The following SAMD12 variants were observed in gnomAD, a reference collection of about 807,000 sequenced individuals.
The protein encoded by SAMD12 is sterile alpha motif domain-containing protein 12.
A neutral mutation model predicts 15.0 loss-of-function variants in SAMD12; 9 were observed. That is an observed-to-expected ratio of 0.60 (90% CI 0.36 to 1.05). The LOEUF (loss-of-function observed/expected upper bound fraction) is 1.05, where lower values mean the gene tolerates loss of function less well. SAMD12 is among the 50% of genes least tolerant of loss of function. The probability of loss-of-function intolerance (pLI) is 0.01; values close to 1 mark genes in which losing one functional copy is unlikely to be tolerated. For missense variants in SAMD12, 230 were observed against 234.2 expected, an observed-to-expected ratio of 0.98 and a Z score of 0.12; for synonymous variants, 86 against 90.1, an observed-to-expected ratio of 0.96 and a Z score of 0.25.
chr8:118,445,089 T>C (rs189256216), intron 2 of SAMD12, among the ~76,000 whole-genome samples: 66 of 152,312 alleles, frequency 4.3e-4, no homozygotes, highest in Non-Finnish European at 2.2e-4. Context: ...CTTTCTTTAG[T>C]TCCCAGTCCT....
chr8:118,416,202 T>C (rs1245235834), intron 3 of SAMD12, among the ~76,000 whole-genome samples: 2 of 152,184 alleles, frequency 1.3e-5, no homozygotes, highest in Non-Finnish European at 2.9e-5. Flanking sequence ...ATAACATAAA[T>C]GCTGGATGTA....
At chr8:118,600,360 G>A (rs2131297442) in intron 1 of SAMD12, among the ~76,000 whole-genome samples, 1 of 152,224 alleles carries the variant, frequency 6.6e-6, no homozygotes, top group East Asian at 1.9e-4. Context: ...TAGGACAAAG[G>A]TAATGAGGAT....
chr8:118,179,411 T>C, the SAMD12 span, among the ~76,000 whole-genome samples: 1 of 138,580 alleles, frequency 7.2e-6, no homozygotes, highest in Non-Finnish European at 1.5e-5. Flanking sequence ...CACTCCAGCC[T>C]GGGCAACAAG....
intron 1 of SAMD12, among the ~76,000 whole-genome samples, chr8:118,620,425 A>G (rs1167681634): frequency 8.7e-6 from 1 of 114,632 alleles, no homozygotes; most frequent in Non-Finnish European, 1.9e-5. Context: ...AAAAAAAAAA[A>G]GATTCTCACC....
chr8:118,366,861 TAAAATAAAATAAAATAAAATAATAA>T (rs1818811294), intron 4 of SAMD12, among the ~76,000 whole-genome samples: 4 of 111,864 alleles, frequency 3.6e-5, no homozygotes, highest in African/African-American at 1.1e-4. Flanking sequence ...TAAAATAAAA[TAAAATAAAATAAAATAAAATAATAA>T]AATAAAATAA....
At chr8:118,530,977 G>T (rs572857292) in intron 2 of SAMD12, among the ~76,000 whole-genome samples, 2 of 152,200 alleles carry the variant, frequency 1.3e-5, no homozygotes, top group African/African-American at 4.8e-5. Context: ...AGTAGCTAGG[G>T]CTACAGGCAC....
At chr8:118,387,509 C>T (rs566396604) in intron 3 of SAMD12, among the ~76,000 whole-genome samples, 221 of 152,150 alleles carry the variant, frequency 1.5e-3, no homozygotes, top group African/African-American at 4.9e-3. Flanking sequence ...GTCTATGGTG[C>T]AGTTACTCTG....
At chr8:118,564,326 T>C (rs968395257) in intron 2 of SAMD12, among the ~76,000 whole-genome samples, 10 of 151,950 alleles carry the variant, frequency 6.6e-5, no homozygotes, top group African/African-American at 2.4e-4. Flanking sequence ...CAGCAATACA[T>C]GGTAGAGGAA....
exon 5 of SAMD12, chr8:118,193,735 C>T (rs1230569305): frequency 1.3e-5 from 2 of 151,956 alleles, no homozygotes; most frequent in Admixed American, 1.3e-4. Context: ...GAAAACTACC[C>T]ACAGCATCAT....
chr8:118,451,018 T>C (rs918482196), intron 2 of SAMD12, among the ~76,000 whole-genome samples: 1 of 151,846 alleles, frequency 6.6e-6, no homozygotes, highest in African/African-American at 2.4e-5. Context: ...ATGGGAAGAG[T>C]TGTCTTAAAA....
At chr8:118,145,420 T>G in the SAMD12 span, among the ~76,000 whole-genome samples, 1 of 152,258 alleles carries the variant, frequency 6.6e-6, no homozygotes, top group Non-Finnish European at 1.5e-5. Context: ...CATTCAATGT[T>G]GAACACTATC....
chr8:118,141,004 C>T, the SAMD12 span, among the ~76,000 whole-genome samples: 89 of 152,332 alleles, frequency 5.8e-4, no homozygotes, highest in Admixed American at 2.0e-4. Flanking sequence ...TCTGTCATTG[C>T]AGCATAGCTT....
chr8:118,551,560 A>C (rs200869790), intron 2 of SAMD12, among the ~76,000 whole-genome samples: 35 of 152,276 alleles, frequency 2.3e-4, no homozygotes, highest in East Asian at 3.9e-4. Context: ...AGTAAATGCC[A>C]ACAAGAGAAA....
rs914152409 is a variant in SAMD12, at chr8:118,378,282, G to A, written c.*1135C>T. ...CCTCTAGGTTGCTTGTAAATTTTCC[G>A]TTTTCCAAATAGCACTGTGACAGAC... On this transcript the variant is annotated 3_prime_UTR_variant, in exon 4 of 4. Coordinates refer to ENST00000314727, the MANE Select transcript of SAMD12 (RefSeq NM_207506.3). 2.9e-5 allele frequency: 17 copies of A among 586,598 alleles called. No homozygotes were observed. The highest frequency in any genetic ancestry group is 1.5e-4 in the South Asian group (2 of 13,160). The allele number at this position is 586,598 out of a possible 1,614,324, so 36.3% of individuals were successfully genotyped here. A position where few individuals can be genotyped will look rare whatever the true frequency, so the allele number is the denominator to read the frequency against.
chr8:118,500,635 G>A (rs1355732983), intron 2 of SAMD12, among the ~76,000 whole-genome samples: 5 of 151,824 alleles, frequency 3.3e-5, no homozygotes, highest in Non-Finnish European at 5.9e-5. Flanking sequence ...TTGAAACACC[G>A]TCTCTACTAA....
At chr8:118,253,573 C>A (rs1812866960) in intron 4 of SAMD12, among the ~76,000 whole-genome samples, 2 of 152,122 alleles carry the variant, frequency 1.3e-5, no homozygotes, top group African/African-American at 2.4e-5. Context: ...TCAATGCTGA[C>A]AATGGCAGGC....
intron 4 of SAMD12, among the ~76,000 whole-genome samples, chr8:118,367,412 T>C (rs1317923939): frequency 6.6e-6 from 1 of 152,200 alleles, no homozygotes; most frequent in East Asian, 1.9e-4. Flanking sequence ...TCTATACTTA[T>C]CCTCAAGAAT....
At chr8:118,142,554 G>A in the SAMD12 span, among the ~76,000 whole-genome samples, 1 of 152,176 alleles carries the variant, frequency 6.6e-6, no homozygotes, top group African/African-American at 2.4e-5. Context: ...ACACGGTGGT[G>A]AACTGGAAAC....
intron 4 of SAMD12, among the ~76,000 whole-genome samples, chr8:118,277,757 T>C (rs534290578): frequency 6.6e-6 from 1 of 152,342 alleles, no homozygotes; most frequent in Admixed American, 6.5e-5. Flanking sequence ...ACTACTACCA[T>C]TTTATGGATG....
Sources: gnomAD v4.1 joint callset for allele counts (sites outside exome capture counted in the v4.1 genomes callset) on GRCh38, gnomAD v4.1.1 for gene constraint, MANE v1.5 for transcripts, NCBI Gene and HGNC (gene_info 2026-07-23, HGNC 2026-07-21) for gene names.